Variants in TMPRSS15 observed in about 807,000 individuals in gnomAD.
TMPRSS15 encodes the protein enteropeptidase.
TMPRSS15 carries 128 observed loss-of-function variants against 125.3 expected under a neutral mutation model. The ratio of observed to expected loss-of-function variants is 1.02; its 90% CI spans 0.89 to 1.18. TMPRSS15 has a LOEUF of 1.18. TMPRSS15 is among the 50% of genes most tolerant of loss of function. The pLI is 0.00. For synonymous variants in TMPRSS15, 446 were observed against 423.2 expected, an observed-to-expected ratio of 1.05 and a Z score of -0.66; for missense variants, 1,283 against 1,212.7, an observed-to-expected ratio of 1.06 and a Z score of -0.86.
intron 3 of TMPRSS15, among the ~76,000 whole-genome samples, chr21:18,386,016 T>C (rs2075941018): frequency 1.3e-5 from 2 of 152,158 alleles, no homozygotes; most frequent in African/African-American, 2.4e-5. Context: ...GTGCTGGGAT[T>C]ACAGGCATGA....
rs949819080 is a variant in TMPRSS15 at position 18,344,142 on chromosome 21, G to C, written c.1172-82C>G. On this transcript the variant is annotated intron_variant, in intron 10 of 24. Coordinates refer to ENST00000284885, the MANE Select transcript of TMPRSS15 (RefSeq NM_002772.3). ...ACAAGTAGACTTTGTAAGCAGGAAA[G>C]AAAAACTTTAAGAAGAAAGGTTAAG... is the stretch of plus-strand genomic sequence containing the variant. The C allele has an allele frequency of 2.5e-6, 3 of 1,180,706 alleles. No individual in the cohort carries two copies. The African/African-American group carries it at 4.6e-5, about 18-fold the overall frequency. 73.1% of individuals were successfully genotyped at this position (1,180,706 alleles called of 1,614,324 possible). A position where few individuals can be genotyped will look rare whatever the true frequency, so the allele number is the denominator to read the frequency against.
At chr21:18,371,164 T>C (rs767916166) in intron 6 of TMPRSS15, among the ~76,000 whole-genome samples, 11 of 152,160 alleles carry the variant, frequency 7.2e-5, no homozygotes, top group Non-Finnish European at 1.3e-4. Flanking sequence ...TTTTTTCCTA[T>C]ACATACACAC....
At chr21:18,453,416 G>T (rs1978379812) in intron 1 of TMPRSS15, among the ~76,000 whole-genome samples, 1 of 152,270 alleles carries the variant, frequency 6.6e-6, no homozygotes, top group East Asian at 1.9e-4. Flanking sequence ...ATGCACATGT[G>T]CATATACGCA....
chr21:18,273,728 A>C (rs1295325463), intron 24 of TMPRSS15, among the ~76,000 whole-genome samples: 1 of 152,206 alleles, frequency 6.6e-6, no homozygotes, highest in Non-Finnish European at 1.5e-5. Flanking sequence ...CTAAGTGGCA[A>C]TATATCTTAC....
chr21:18,374,255 T>C (rs1362177062), intron 5 of TMPRSS15, among the ~76,000 whole-genome samples: 12 of 150,780 alleles, frequency 8.0e-5, no homozygotes, highest in African/African-American at 1.2e-4. Context: ...GGGTGGATCA[T>C]GAGGTCAGGA....
chr21:18,305,761 C>T (rs542721663), intron 18 of TMPRSS15, among the ~76,000 whole-genome samples: 1 of 152,130 alleles, frequency 6.6e-6, no homozygotes, highest in Non-Finnish European at 1.5e-5. Flanking sequence ...AGATATTAAA[C>T]CTATTAAGTA....
chr21:18,292,624 A>ACAT (rs1337628936), intron 21 of TMPRSS15, among the ~76,000 whole-genome samples: 1 of 152,220 alleles, frequency 6.6e-6, no homozygotes, highest in Non-Finnish European at 1.5e-5. Flanking sequence ...TTTGGCAAGA[A>ACAT]CATTAAACAG....
At chr21:18,316,136 A>G (rs1268592041) in intron 16 of TMPRSS15, among the ~76,000 whole-genome samples, 2 of 152,176 alleles carry the variant, frequency 1.3e-5, no homozygotes, top group Non-Finnish European at 2.9e-5. Context: ...AAGCCTCAGA[A>G]ATAGTTTCCA....
intron 5 of TMPRSS15, among the ~76,000 whole-genome samples, chr21:18,374,247 G>T (rs1472835299): frequency 2.6e-5 from 4 of 151,868 alleles, no homozygotes; most frequent in Non-Finnish European, 5.9e-5. Flanking sequence ...GCCGAGGCGG[G>T]TGGATCATGA....
At chr21:18,343,707 GTC>G (rs753576236) in intron 11 of TMPRSS15, 51 bp from the exon 12 acceptor site, 2 of 1,556,092 alleles carry the variant, frequency 1.3e-6, no homozygotes, top group African/African-American at 2.7e-5. Flanking sequence ...ATTAGAATAA[GTC>G]CTTTTCAGAG....
chr21:18,305,307 G>A (rs1384216609), intron 18 of TMPRSS15, among the ~76,000 whole-genome samples: 1 of 147,946 alleles, frequency 6.8e-6, no homozygotes, highest in African/African-American at 2.5e-5. Context: ...TCCTGCCTCA[G>A]CCTCCCGAGT....
chr21:18,458,188 C>T (rs898306298), intron 1 of TMPRSS15, among the ~76,000 whole-genome samples: 1 of 152,044 alleles, frequency 6.6e-6, no homozygotes, highest in African/African-American at 2.4e-5. Flanking sequence ...CTAACTCAGA[C>T]GCCATCTGGA....
chr21:18,483,264 G>A (rs1979018771), intron 1 of TMPRSS15, among the ~76,000 whole-genome samples: 1 of 151,740 alleles, frequency 6.6e-6, no homozygotes, highest in South Asian at 2.1e-4. Context: ...TTCCGGCAGG[G>A]AAAAGGCATC....
rs186129888 is a variant in TMPRSS15 at position 18,355,089 on chromosome 21, A to G, written c.881-1226T>C. 1.6e-4 allele frequency among the ~76,000 whole-genome samples: 25 copies of G among 152,032 alleles called. 1 individual carries two copies. The highest frequency in any genetic ancestry group is 1.3e-3 in the Admixed American group (20 of 15,238). On this transcript the variant is annotated intron_variant, in intron 8 of 24. Coordinates refer to ENST00000284885, the MANE Select transcript of TMPRSS15 (RefSeq NM_002772.3). ...CATGCATTCAATGTTTTTTATGAAG[A>G]ACTATTATTTAGACTGTTGCTACGG...
At chr21:18,450,727 TG>T (rs1268443745) in intron 1 of TMPRSS15, among the ~76,000 whole-genome samples, 1 of 152,192 alleles carries the variant, frequency 6.6e-6, no homozygotes, top group Non-Finnish European at 1.5e-5. Context: ...AGTATTCTTC[TG>T]GAATGCCCTT....
At chr21:18,484,000 A>G in intron 1 of TMPRSS15, among the ~76,000 whole-genome samples, 1 of 151,920 alleles carries the variant, frequency 6.6e-6, no homozygotes, top group East Asian at 1.9e-4. Context: ...CACAGAATAC[A>G]TTACTAGGTG....
chr21:18,375,940 C>A (rs8130892), intron 5 of TMPRSS15, among the ~76,000 whole-genome samples: 13,912 of 152,130 alleles, frequency 0.091, 743 homozygotes, highest in South Asian at 0.13. Flanking sequence ...ATGTTACATA[C>A]AACATGAGTA....
chr21:18,343,786 G>T (rs1033108332), intron 11 of TMPRSS15, 130 bp from the exon 12 acceptor site: 1 of 1,196,754 alleles, frequency 8.4e-7, no homozygotes. Flanking sequence ...AGTTGCTGGG[G>T]ATGGGGAGAG....
chr21:18,383,533 G>A, intron 4 of TMPRSS15, 94 bp downstream of exon 4: 2 of 1,437,688 alleles, frequency 1.4e-6, no homozygotes, highest in Non-Finnish European at 1.9e-6. Flanking sequence ...TGTTCCTAAG[G>A]TCAAGCATGA....
Sources: gnomAD v4.1 joint callset for allele counts (sites outside exome capture counted in the v4.1 genomes callset) on GRCh38, gnomAD v4.1.1 for gene constraint, MANE v1.5 for transcripts, NCBI Gene and HGNC (gene_info 2026-07-23, HGNC 2026-07-21) for gene names.